Variants in PRPF8 observed in about 807,000 individuals in gnomAD.
The protein encoded by PRPF8 is pre-mRNA-processing-splicing factor 8.
PRPF8 carries 64 observed loss-of-function variants against 285.9 expected under a neutral mutation model. That is an observed-to-expected ratio of 0.22 (90% CI 0.18 to 0.28). The LOEUF (loss-of-function observed/expected upper bound fraction) is 0.28. PRPF8 is among the 10% of genes least tolerant of loss of function. The pLI, the probability that PRPF8 is intolerant of heterozygous loss-of-function variation, is 1.00. For synonymous variants in PRPF8, 1,325 were observed against 1,118.2 expected, an observed-to-expected ratio of 1.18 and a Z score of -3.69; for missense variants, 1,426 against 3,026.7, an observed-to-expected ratio of 0.47 and a Z score of 12.41.
At chr17:1,683,176 T>C (rs1456758258) in intron 3 of PRPF8, 7 of 337,022 alleles carry the variant, frequency 2.1e-5, no homozygotes, top group Non-Finnish European at 5.8e-6. Context: ...TGTGTATTTT[T>C]AGTAGAGACG....
At chr17:1,660,884 A>T in intron 28 of PRPF8, 57 bp from the exon 29 acceptor site, 1 of 1,612,858 alleles carries the variant, frequency 6.2e-7, no homozygotes, top group South Asian at 1.1e-5. Context: ...GCACACTGCT[A>T]ACCTCCTGGA....
chr17:1,651,589 CCA>C lies in PRPF8; in HGVS notation c.6511-38_6511-37del, dbSNP rs1911071270. 6.2e-7 allele frequency: 1 copy of C among 1,614,102 alleles called. No individual in the cohort carries two copies. Among genetic ancestry groups the C allele is most frequent in the African/African-American group, 1.3e-5 (1 of 75,024 alleles). On this transcript the variant is annotated intron_variant, in intron 40 of 42. Coordinates refer to ENST00000304992, the MANE Select transcript of PRPF8 (RefSeq NM_006445.4). This position sits in a 1 kb window ranked among gnomAD's most constrained non-coding sequence, Gnocchi z 5.1. ...AGAGGAGTACAGAGCTGAATCCCAT[CCA>C]CAGACAGGAATCGCACCAGCTTTTC...
At position 1,677,616 on chromosome 17, in the gene PRPF8, T is replaced by C; in HGVS notation, c.1933A>G (p.Thr645Ala). ...RVWLFFMRGI[T>A]PLLERWLGNL... ...CCAAGCCATCGCTCTAATAAAGGGG[T>C]AATGCCACGCATGAAAAAGAGCCAG... is the stretch of plus-strand genomic sequence containing the variant. The change falls in exon 14 of 43, where the codon ACC becomes GCC. Residue 645 changes from threonine (T) to alanine (A), a missense_variant. Physicochemically the swap from Thr to Ala is moderately conservative, Grantham distance 58. This residue lies in a region of PRPF8 where 69 missense variants were observed against 134.7 expected (regional missense o/e 0.51). Transcript: ENST00000304992. 1.2e-6 allele frequency: 2 copies of C among 1,613,646 alleles called. No homozygotes were observed. The highest frequency in any genetic ancestry group is 1.3e-5 in the African/African-American group (1 of 74,842).
chr17:1,651,980 C>A lies in PRPF8; in HGVS notation c.6370-192G>T. 1.4e-6 allele frequency: 1 copy of A among 713,284 alleles called. No individual in the cohort carries two copies. The highest frequency in any genetic ancestry group is 2.1e-5 in the Admixed American group (1 of 46,958). 44.2% of individuals were successfully genotyped at this position (713,284 alleles called of 1,614,324 possible). A position where few individuals can be genotyped will look rare whatever the true frequency, so the allele number is the denominator to read the frequency against. On this transcript the variant is annotated intron_variant, in intron 39 of 42. Coordinates refer to ENST00000304992, the MANE Select transcript of PRPF8 (RefSeq NM_006445.4). The surrounding 1 kb of genome is among the most constrained non-coding windows in gnomAD (Gnocchi z 5.1). ...AGACATGGACCTCATCGCGGACTTACCACATCAGAATCTCCTGAGTGGGGT... is the reference window on the plus strand; with the variant it reads ...AGACATGGACCTCATCGCGGACTTAACACATCAGAATCTCCTGAGTGGGGT...
At chr17:1,677,354 G>T (rs533596285) in intron 14 of PRPF8, 182 bp from the exon 15 acceptor site, 1 of 959,638 alleles carries the variant, frequency 1.0e-6, no homozygotes, top group Non-Finnish European at 1.6e-6. Context: ...TGCTTCTGAG[G>T]AATTTCCACT....
intron 21 of PRPF8, among the ~76,000 whole-genome samples, 188 bp from the exon 22 acceptor site, chr17:1,674,080 C>T (rs991918972): frequency 1.3e-5 from 2 of 152,052 alleles, no homozygotes; most frequent in African/African-American, 2.4e-5. Flanking sequence ...TGGAGCGCAG[C>T]GGCGCAATCC....
At chr17:1,669,382 G>A (rs867400666) in intron 24 of PRPF8, among the ~76,000 whole-genome samples, 5 of 152,320 alleles carry the variant, frequency 3.3e-5, no homozygotes, top group Middle Eastern at 3.4e-3. Flanking sequence ...TGGGATTACG[G>A]GCGTGAGCCA....
Position 1,661,801 on chromosome 17 carries a change from G to A in PRPF8, c.4023-11C>T, listed in dbSNP as rs1431252942. The stretch of plus-strand genomic sequence containing the variant: ...GTCTGTTTGGACCACCTGTTTGGGT[G>A]TACAACCAAGATTACAGAAAAAATA... On this transcript the variant is annotated splice_polypyrimidine_tract_variant and intron_variant, in intron 25 of 42. Transcript: ENST00000304992. The surrounding 1 kb of genome is among the most constrained non-coding windows in gnomAD (Gnocchi z 7.3). 2.5e-6 allele frequency: 4 copies of A among 1,614,176 alleles called. No homozygotes were observed. The highest frequency in any genetic ancestry group is 1.7e-5 in the Admixed American group (1 of 60,020).
chr17:1,672,213 C>T (rs16951014), intron 24 of PRPF8, among the ~76,000 whole-genome samples: 10,758 of 152,144 alleles, frequency 0.071, 1,326 homozygotes, highest in African/African-American at 0.25. Flanking sequence ...ATATGAAGGT[C>T]GGAATGCAAG....
chr17:1,663,394 G>GT (rs1456032498), intron 24 of PRPF8, among the ~76,000 whole-genome samples: 2 of 151,990 alleles, frequency 1.3e-5, no homozygotes, highest in African/African-American at 4.8e-5. Context: ...TAGACCATTT[G>GT]TAAGGCAAAC....
rs375319645 is a variant in PRPF8, at chr17:1,650,913, C to T, written c.6897G>A (p.Ala2299=). The T allele has an allele frequency of 1.3e-5, 21 of 1,614,034 alleles. No homozygotes were observed. The highest frequency in any genetic ancestry group is 2.2e-5 in the South Asian group (2 of 91,084). The change falls in exon 43 of 43, where the codon GCG becomes GCA. Residue 2299 remains alanine (A), a synonymous_variant. Coordinates refer to ENST00000304992, the MANE Select transcript of PRPF8 (RefSeq NM_006445.4). The part of the protein sequence containing the change: ...DPNMKYELQL[A]NPKEFYHEVH... Reference sequence around the variant, plus strand: ...CCTCGTGGTAGAACTCTTTGGGGTTCGCCAGCTGTAGCTCATATTTCATGT... The same window carrying T: ...CCTCGTGGTAGAACTCTTTGGGGTTTGCCAGCTGTAGCTCATATTTCATGT...
At position 1,680,823 on chromosome 17, in the gene PRPF8, G is replaced by A. The variant is rs913356938; in HGVS notation, c.1001C>T (p.Thr334Ile). Reference sequence around the variant, plus strand: ...AGTTTTGATGAATACAACATTGGGAGTATGGTACCTAAAATGAAAGGAAGA... The same window carrying A: ...AGTTTTGATGAATACAACATTGGGAATATGGTACCTAAAATGAAAGGAAGA... ...PHHVHLTWYHTPNVVFIKTED... is the reference protein window; with the variant it reads ...PHHVHLTWYHIPNVVFIKTED... The change falls in exon 8 of 43, where the codon ACT (threonine) becomes ATT (isoleucine). Residue 334 changes from threonine to isoleucine, a missense_variant. Physicochemically the swap from Thr to Ile is moderately conservative, Grantham distance 89. Coordinates refer to ENST00000304992, the MANE Select transcript of PRPF8 (RefSeq NM_006445.4). 3.1e-6 allele frequency: 5 copies of A among 1,614,088 alleles called. No individual in the cohort carries two copies. Among genetic ancestry groups the A allele is most frequent in the Non-Finnish European group, 3.4e-6 (4 of 1,179,960 alleles).
intron 14 of PRPF8, 155 bp downstream of exon 14, chr17:1,677,410 A>G: frequency 1.6e-6 from 2 of 1,214,290 alleles, no homozygotes; most frequent in South Asian, 2.5e-5. Context: ...AGGAAGCCCA[A>G]GAAATAGAAT....
intron 5 of PRPF8, 30 bp from the exon 6 acceptor site, chr17:1,681,720 G>A (rs774243992): frequency 6.2e-7 from 1 of 1,612,056 alleles, no homozygotes; most frequent in Non-Finnish European, 8.5e-7. Context: ...CCCACCTCAA[G>A]TAAGCAGCTA....
chr17:1,663,888 G>A (rs1911810607), intron 24 of PRPF8, among the ~76,000 whole-genome samples: 1 of 152,112 alleles, frequency 6.6e-6, no homozygotes, highest in Non-Finnish European at 1.5e-5. Context: ...ACCATGGAAT[G>A]TTATCAGGAA....
At position 1,653,456 on chromosome 17, in the gene PRPF8, T is replaced by G; in HGVS notation, c.6369+86A>C. ...ATCCATGAATCTTGAAACCAGCATC[T>G]CAAGTTCCAGACAATCTCAGGTCTG... is the stretch of plus-strand genomic sequence containing the variant. On this transcript the variant is annotated intron_variant, in intron 39 of 42. Coordinates refer to ENST00000304992, the MANE Select transcript of PRPF8 (RefSeq NM_006445.4). This position sits in a 1 kb window ranked among gnomAD's most constrained non-coding sequence, Gnocchi z 4.9. The G allele has an allele frequency of 2.6e-6, 4 of 1,563,202 alleles. No individual in the cohort carries two copies. In the South Asian group the frequency reaches 4.5e-5, roughly 17 times the overall value.
chr17:1,662,098 G>A lies in PRPF8; in HGVS notation c.3830C>T (p.Ala1277Val), dbSNP rs1253671764. 6.2e-7 allele frequency: 1 copy of A among 1,614,152 alleles called. No individual in the cohort carries two copies. Among genetic ancestry groups the A allele is most frequent in the Admixed American group, 1.7e-5 (1 of 60,010 alleles). ...LIGLMTYFREAVVNTQELLDL... is the reference protein window; with the variant it reads ...LIGLMTYFREVVVNTQELLDL... The stretch of plus-strand genomic sequence containing the variant: ...CAAGAGCTCTTGGGTGTTCACCACA[G>A]CCTCCCGAAAGTATGTCATAAGGCC... Residue 1277 changes from alanine (A) to valine (V), a missense_variant, in exon 25 of 43, where the codon GCT becomes GTT. Transcript: ENST00000304992.
rs113874709 is a variant in PRPF8, at chr17:1,682,257, G to A, written c.306C>T (p.Leu102=). 2.2e-4 allele frequency: 351 copies of A among 1,614,140 alleles called. 3 individuals carry two copies. In the African/African-American group the frequency reaches 3.9e-3, roughly 18 times the overall value. The stretch of plus-strand genomic sequence containing the variant: ...CCCAAGGCATAGGCATGTTCTCCAG[G>A]AGTTTGAGGACTGCGTGGGGCATGT... ...LKYMPHAVLK[L]LENMPMPWEQ... The change falls in exon 4 of 43, where the codon CTC becomes CTT. Residue 102 remains leucine (L), a synonymous_variant. Transcript: ENST00000304992.
chr17:1,662,723 A>AACCC (rs1257927433), intron 24 of PRPF8, among the ~76,000 whole-genome samples: 2 of 151,318 alleles, frequency 1.3e-5, no homozygotes. Flanking sequence ...CCAACATGAA[A>AACCC]CCGTCTCTAC....
Sources: gnomAD v4.1 joint callset for allele counts (sites outside exome capture counted in the v4.1 genomes callset) on GRCh38, gnomAD v4.1.1 for gene constraint, gnomAD v4.1.1 regional missense constraint, Gnocchi (gnomAD v3.1) non-coding constraint, MANE v1.5 for transcripts, NCBI Gene and HGNC (gene_info 2026-07-23, HGNC 2026-07-21) for gene names.